ISCA1: variants seen among roughly 807,000 people sequenced by gnomAD.
The protein encoded by ISCA1 is iron-sulfur cluster assembly 1 homolog, mitochondrial.
A neutral mutation model predicts 14.7 loss-of-function variants in ISCA1; 9 were observed. That is an observed-to-expected ratio of 0.61 (90% CI 0.37 to 1.07). The LOEUF (loss-of-function observed/expected upper bound fraction) is 1.07. Among genes scored for constraint, ISCA1 ranks in the 50% least tolerant of loss-of-function variants. The pLI, the probability that ISCA1 is intolerant of heterozygous loss-of-function variation, is 0.01. For synonymous variants in ISCA1, 38 were observed against 54.3 expected (o/e 0.70, Z 1.32); for missense variants, 102 against 150.1 (o/e 0.68, Z 1.67).
rs1244425599 is a variant in ISCA1 at position 86,264,891 on chromosome 9, A to C, written c.*1152T>G. 1 of 152,208 alleles carries C rather than the reference A, an allele frequency of 6.6e-6. No homozygotes were observed. Among genetic ancestry groups the C allele is most frequent in the African/African-American group, 2.4e-5 (1 of 41,454 alleles). The allele number at this position is 152,208 out of a possible 1,614,324, so 9.4% of individuals were successfully genotyped here. A position where few individuals can be genotyped will look rare whatever the true frequency, so the allele number is the denominator to read the frequency against. The stretch of plus-strand genomic sequence containing the variant: ...AGTTGGTGATAAATATGTTAGGCTA[A>C]AATACTAAGAACTTTAGCAACTGGA... On this transcript the variant is annotated 3_prime_UTR_variant, in exon 4 of 4. Transcript: ENST00000375991.
At chr9:86,267,478 G>A in intron 3 of ISCA1, 2 of 971,650 alleles carry the variant, frequency 2.1e-6, no homozygotes, top group South Asian at 9.5e-5. Context: ...AGAACTGCAA[G>A]CTAAGTGCAT....
intron 1 of ISCA1, among the ~76,000 whole-genome samples, chr9:86,274,679 T>C (rs538476152): frequency 2.6e-5 from 4 of 152,192 alleles, no homozygotes; most frequent in African/African-American, 9.6e-5. Flanking sequence ...TTAATCCTAC[T>C]GCTTTTTTTT....
intron 1 of ISCA1, among the ~76,000 whole-genome samples, chr9:86,281,403 GT>G (rs913943950): frequency 6.6e-6 from 1 of 151,890 alleles, no homozygotes; most frequent in Non-Finnish European, 1.5e-5. Flanking sequence ...AATTTAAATC[GT>G]TTTTTTTCCC....
intron 1 of ISCA1, among the ~76,000 whole-genome samples, chr9:86,281,320 C>T (rs1661842413): frequency 6.6e-6 from 1 of 152,332 alleles, no homozygotes; most frequent in Admixed American, 6.5e-5. Context: ...TCACAATTTT[C>T]TTCTACTTTG....
Position 86,281,076 on chromosome 9 carries a change from G to C in ISCA1, c.81+1302C>G, listed in dbSNP as rs77990004. 3.6e-3 allele frequency among the ~76,000 whole-genome samples: 548 copies of C among 152,174 alleles called. 3 individuals are homozygous for C. The highest frequency in any genetic ancestry group is 0.013 in the African/African-American group (527 of 41,512). On this transcript the variant is annotated intron_variant, in intron 1 of 3. Transcript: ENST00000375991. ...CCTGGATCTACCATTACCAGTGGAA[G>C]AATTCTGAATAATTCTTACTGAGAT...
chr9:86,271,849 T>G (rs1488305903), intron 3 of ISCA1, among the ~76,000 whole-genome samples, 158 bp downstream of exon 3: 1 of 152,210 alleles, frequency 6.6e-6, no homozygotes, highest in Non-Finnish European at 1.5e-5. Flanking sequence ...TGTGTATAAA[T>G]CAGTTAATAC....
intron 1 of ISCA1, among the ~76,000 whole-genome samples, chr9:86,278,101 T>G (rs1825462216): frequency 6.6e-6 from 1 of 152,226 alleles, no homozygotes. Context: ...ACTCTGTGAT[T>G]ATGCATACTA....
At chr9:86,273,260 T>C (rs767660464) in intron 2 of ISCA1, among the ~76,000 whole-genome samples, 3 of 152,230 alleles carry the variant, frequency 2.0e-5, no homozygotes, top group African/African-American at 4.8e-5. Context: ...TGAAATGATT[T>C]ACAGCATTCC....
chr9:86,280,819 T>C (rs953755391), intron 1 of ISCA1, among the ~76,000 whole-genome samples: 7 of 151,638 alleles, frequency 4.6e-5, no homozygotes. Context: ...TCCCAGCGAC[T>C]TGGGAGCCTG....
chr9:86,266,122 T>C lies in ISCA1; in HGVS notation c.311A>G (p.Asp104Gly), dbSNP rs967582319. The change falls in exon 4 of 4, where the codon GAC becomes GGC. Residue 104 changes from aspartate to glycine, a missense_variant. Physicochemically the swap from Asp to Gly is moderately conservative, Grantham distance 94 (BLOSUM62 -1). Coordinates refer to ENST00000375991, the MANE Select transcript of ISCA1 (RefSeq NM_030940.4). Reference protein sequence around the residue: ...LLGTEMDYVEDKLSSEFVFNN... With the variant: ...LLGTEMDYVEGKLSSEFVFNN... Reference sequence around the variant, plus strand: ...GAACACAAACTCACTGGATAATTTGTCTTCAACATAGTCCATTTCTGTTCC... The same window carrying C: ...GAACACAAACTCACTGGATAATTTGCCTTCAACATAGTCCATTTCTGTTCC... 1.2e-6 allele frequency: 2 copies of C among 1,613,200 alleles called. No homozygotes were observed. The highest frequency in any genetic ancestry group is 1.7e-6 in the Non-Finnish European group (2 of 1,179,706).
Position 86,266,236 on chromosome 9 carries a change from T to C in ISCA1, c.242-45A>G, listed in dbSNP as rs777510065. ...GTGTCATGGAAAGCCTGCAGCCTTA[T>C]GGAACTTGCTGATTCAAAGCACAAG... On this transcript the variant is annotated intron_variant, in intron 3 of 3. Coordinates refer to ENST00000375991, the MANE Select transcript of ISCA1 (RefSeq NM_030940.4). 2.2e-5 allele frequency: 34 copies of C among 1,544,456 alleles called. No homozygotes were observed. The South Asian group carries it at 2.8e-4, about 13-fold the overall frequency.
At chr9:86,280,820 T>C (rs1825503450) in intron 1 of ISCA1, among the ~76,000 whole-genome samples, 1 of 151,906 alleles carries the variant, frequency 6.6e-6, no homozygotes, top group East Asian at 1.9e-4. Context: ...CCCAGCGACT[T>C]GGGAGCCTGA....
At chr9:86,274,729 A>G (rs2131224605) in intron 1 of ISCA1, among the ~76,000 whole-genome samples, 1 of 152,196 alleles carries the variant, frequency 6.6e-6, no homozygotes, top group East Asian at 1.9e-4. Flanking sequence ...CAAAATGCAT[A>G]GCTTGAGGAA....
At chr9:86,279,335 T>C (rs1384695286) in intron 1 of ISCA1, among the ~76,000 whole-genome samples, 2 of 152,232 alleles carry the variant, frequency 1.3e-5, no homozygotes, top group African/African-American at 4.8e-5. Context: ...TGTACAATGA[T>C]GGAAATAAAT....
Position 86,264,753 on chromosome 9 carries a change from T to C in ISCA1, c.*1290A>G, listed in dbSNP as rs918728787. 1.3e-5 allele frequency: 2 copies of C among 152,356 alleles called. No individual in the cohort carries two copies. Among genetic ancestry groups the C allele is most frequent in the Non-Finnish European group, 2.9e-5 (2 of 68,036 alleles). 9.4% of individuals were successfully genotyped at this position (152,356 alleles called of 1,614,324 possible). On this transcript the variant is annotated 3_prime_UTR_variant, in exon 4 of 4. Coordinates refer to ENST00000375991, the MANE Select transcript of ISCA1 (RefSeq NM_030940.4). ...CGAAACATAAAGGAACTCAGCTACT[T>C]GAATTCATGAGAATCAGCTTTCAAA...
At chr9:86,271,372 C>T (rs370735191) in intron 3 of ISCA1, among the ~76,000 whole-genome samples, 2 of 152,116 alleles carry the variant, frequency 1.3e-5, no homozygotes, top group African/African-American at 2.4e-5. Flanking sequence ...ATTTGTCTAA[C>T]GTCACATTTC....
At chr9:86,269,762 G>T (rs1825343135) in intron 3 of ISCA1, among the ~76,000 whole-genome samples, 1 of 151,186 alleles carries the variant, frequency 6.6e-6, no homozygotes, top group Admixed American at 6.6e-5. Context: ...CAATGGAACA[G>T]AACAGAGCCC....
At chr9:86,275,532 G>A (rs1000409192) in intron 1 of ISCA1, among the ~76,000 whole-genome samples, 2 of 152,192 alleles carry the variant, frequency 1.3e-5, no homozygotes, top group African/African-American at 4.8e-5. Context: ...GTTTAGAAGG[G>A]CATGAAAGCA....
intron 3 of ISCA1, 119 bp from the exon 4 acceptor site, chr9:86,266,310 A>T: frequency 7.0e-7 from 1 of 1,425,860 alleles, no homozygotes; most frequent in Non-Finnish European, 9.3e-7. Context: ...GAAGCCTTGA[A>T]CATTTTAAAT....
Sources: gnomAD v4.1 joint callset for allele counts (sites outside exome capture counted in the v4.1 genomes callset) on GRCh38, gnomAD v4.1.1 for gene constraint, MANE v1.5 for transcripts, NCBI Gene and HGNC (gene_info 2026-07-23, HGNC 2026-07-21) for gene names.